The following CDH23 variants were observed in gnomAD, a reference collection of about 807,000 sequenced individuals.
CDH23 encodes cadherin related 23.
A neutral mutation model predicts 317.1 loss-of-function variants in CDH23; 189 were observed. That is an observed-to-expected ratio of 0.60 (90% CI 0.53 to 0.67). The LOEUF (loss-of-function observed/expected upper bound fraction) is 0.67, where lower values mean the gene tolerates loss of function less well. CDH23 is among the 30% of genes least tolerant of loss of function. The pLI, the probability that CDH23 is intolerant of heterozygous loss-of-function variation, is 0.00. For synonymous variants in CDH23, 1,839 were observed against 1,876.8 expected (o/e 0.98, Z 0.52); for missense variants, 4,401 against 4,592.4 (o/e 0.96, Z 1.20).
intron 9 of CDH23, among the ~76,000 whole-genome samples, chr10:71,611,483 G>A (rs1860890212): frequency 6.6e-6 from 1 of 152,238 alleles, no homozygotes; most frequent in Admixed American, 6.5e-5. Context: ...AGAGACCATG[G>A]TGGTACCATC....
intron 9 of CDH23, among the ~76,000 whole-genome samples, chr10:71,590,891 AAAAAAC>A (rs71480587): frequency 3.4e-4 from 49 of 143,310 alleles, no homozygotes; most frequent in Non-Finnish European, 4.5e-4. Flanking sequence ...AAAAAACAAA[AAAAAAC>A]AAAAAAAAAC....
At chr10:71,810,892 C>T (rs1346547037) in intron 62 of CDH23, among the ~76,000 whole-genome samples, 2 of 152,064 alleles carry the variant, frequency 1.3e-5, no homozygotes, top group African/African-American at 4.8e-5. Context: ...ACCAGCCTGA[C>T]CAACATGGAG....
rs544718212 is a variant in CDH23 at position 71,584,841 on chromosome 10, T to C, written c.832+6849T>C. ...GGCTTAGGGTAGCACAATGGCTGCC[T>C]GGAAGCCCCAAACATCTCAGGGCAT... On this transcript the variant is annotated intron_variant, in intron 9 of 69. Coordinates refer to ENST00000224721, the MANE Select transcript of CDH23 (RefSeq NM_022124.6). 7.2e-5 allele frequency among the ~76,000 whole-genome samples: 11 copies of C among 152,360 alleles called. No individual in the cohort carries two copies. In the East Asian group the frequency reaches 2.1e-3, roughly 29 times the overall value.
chr10:71,475,140 A>T (rs1012233675), intron 3 of CDH23, among the ~76,000 whole-genome samples: 7 of 152,010 alleles, frequency 4.6e-5, no homozygotes, highest in African/African-American at 1.7e-4. Flanking sequence ...GAGCTGTGTA[A>T]CCTTAGTGCA....
At chr10:71,603,907 A>C (rs924102560) in intron 9 of CDH23, among the ~76,000 whole-genome samples, 17 of 152,234 alleles carry the variant, frequency 1.1e-4, no homozygotes, top group African/African-American at 4.1e-4. Context: ...GAGGTCGTGC[A>C]TGTGAACAAA....
chr10:71,700,796 G>A (rs1230397300), intron 22 of CDH23, among the ~76,000 whole-genome samples: 1 of 152,142 alleles, frequency 6.6e-6, no homozygotes, highest in Non-Finnish European at 1.5e-5. Context: ...GCCTCCCCAG[G>A]ACCCATGGAC....
rs1271910180 is a variant in CDH23, at chr10:71,403,421, C to T, written c.-6+6103C>T. 1.0e-3 allele frequency among the ~76,000 whole-genome samples: 59 copies of T among 57,836 alleles called. 2 individuals are homozygous for T. The highest frequency in any genetic ancestry group is 7.3e-3 in the African/African-American group (53 of 7,298). 37.9% of individuals were successfully genotyped at this position (57,836 alleles called of 152,430 possible). A position where few individuals can be genotyped will look rare whatever the true frequency, so the allele number is the denominator to read the frequency against. ...TTTCTTTCTTTCTCTTCCTTCCTTC[C>T]TTCCTTCCTTCCTTCCTTCCTTCCT... is the stretch of plus-strand genomic sequence containing the variant. On this transcript the variant is annotated intron_variant, in intron 1 of 69. Coordinates refer to ENST00000224721, the MANE Select transcript of CDH23 (RefSeq NM_022124.6).
chr10:71,560,401 C>T (rs1468590805), intron 6 of CDH23, among the ~76,000 whole-genome samples: 1 of 152,094 alleles, frequency 6.6e-6, no homozygotes, highest in African/African-American at 2.4e-5. Context: ...GTTCTCTTAC[C>T]TAGAGGCGTC....
chr10:71,766,680 A>G (rs1438821037), intron 38 of CDH23, among the ~76,000 whole-genome samples: 1 of 152,206 alleles, frequency 6.6e-6, no homozygotes, highest in Non-Finnish European at 1.5e-5. Context: ...TTTAGTTCTC[A>G]TAACACCCCC....
chr10:71,568,261 A>G (rs1318843440), intron 7 of CDH23, among the ~76,000 whole-genome samples: 2 of 152,214 alleles, frequency 1.3e-5, no homozygotes, highest in Non-Finnish European at 1.5e-5. Context: ...TCAAGGGGAC[A>G]TGCAAGCCCA....
At position 71,814,992 on chromosome 10, in the gene CDH23, G is replaced by GC. The variant is rs927557088; in HGVS notation, c.9782dup (p.Gly3262ArgfsTer4). 3 of 1,612,482 alleles carry GC rather than the reference G, an allele frequency of 1.9e-6. No homozygotes were observed. Among genetic ancestry groups the GC allele is most frequent in the Non-Finnish European group, 1.7e-6 (2 of 1,179,752 alleles). On this transcript the variant is annotated frameshift_variant, in exon 70 of 70. Coordinates refer to ENST00000224721, the MANE Select transcript of CDH23 (RefSeq NM_022124.6). LOFTEE classifies it high-confidence loss of function. Reference sequence around the variant, plus strand: ...CTGGACGAGGAGCCAGGAGACCACAGCCCAGGGCAGGGTAGCCTGCGCTTC... The same window carrying GC: ...CTGGACGAGGAGCCAGGAGACCACAGCCCCAGGGCAGGGTAGCCTGCGCTTC...
intron 69 of CDH23, among the ~76,000 whole-genome samples, chr10:71,814,396 CAG>C (rs1015722523): frequency 1.3e-5 from 2 of 152,210 alleles, no homozygotes; most frequent in Non-Finnish European, 2.9e-5. Context: ...GCCTGGGCAA[CAG>C]AGAGAAACCC....
intron 26 of CDH23, 62 bp downstream of exon 26, chr10:71,707,111 A>G: frequency 6.4e-7 from 1 of 1,563,228 alleles, no homozygotes; most frequent in South Asian, 1.2e-5. Context: ...CACCCCTCCC[A>G]GATGGACAGC....
intron 6 of CDH23, among the ~76,000 whole-genome samples, chr10:71,516,073 C>T (rs1000487602): frequency 2.0e-5 from 3 of 152,164 alleles, no homozygotes; most frequent in African/African-American, 7.2e-5. Context: ...TGGAATTTCC[C>T]AGAGGAAAGT....
chr10:71,807,699 A>G lies in CDH23; in HGVS notation c.8492A>G (p.Glu2831Gly). Residue 2831 changes from glutamate (E) to glycine (G), a missense_variant, in exon 59 of 70, where the codon GAG (glutamate) becomes GGG (glycine). Coordinates refer to ENST00000224721, the MANE Select transcript of CDH23 (RefSeq NM_022124.6). ...LDLVADLTLQ[E>G]VRVVLEDIND... ...CTGGTTGCTGACCTCACACTGCAGG[A>G]GGTGCGCGTTGTGCTAGAGGACATC... 1 of 1,613,124 alleles carries G rather than the reference A, an allele frequency of 6.2e-7. No homozygotes were observed. Among genetic ancestry groups the G allele is most frequent in the Non-Finnish European group, 8.5e-7 (1 of 1,179,552 alleles).
At chr10:71,548,067 A>C (rs1386300683) in intron 6 of CDH23, among the ~76,000 whole-genome samples, 2 of 152,210 alleles carry the variant, frequency 1.3e-5, no homozygotes, top group Admixed American at 6.5e-5. Flanking sequence ...TCTGCACCGG[A>C]ATAGATTTGG....
intron 17 of CDH23, among the ~76,000 whole-genome samples, chr10:71,680,960 C>T (rs1283127860): frequency 6.6e-6 from 1 of 150,410 alleles, no homozygotes; most frequent in African/African-American, 2.4e-5. Context: ...TCCCGAGTAG[C>T]TGGGATTACA....
intron 65 of CDH23, 40 bp downstream of exon 65, chr10:71,811,793 G>A: frequency 1.3e-6 from 2 of 1,553,098 alleles, no homozygotes; most frequent in Non-Finnish European, 1.7e-6. Flanking sequence ...TGAGAAGGCA[G>A]TGGGCTGGGG....
Position 71,793,258 on chromosome 10 carries a change from TG to T in CDH23, c.6334del (p.Ala2112LeufsTer31). The T allele has an allele frequency of 2.5e-6, 4 of 1,613,922 alleles. No individual in the cohort carries two copies. Among genetic ancestry groups the T allele is most frequent in the Non-Finnish European group, 3.4e-6 (4 of 1,179,882 alleles). On this transcript the variant is annotated frameshift_variant, in exon 48 of 70. Transcript: ENST00000224721. LOFTEE classifies it high-confidence loss of function. Reference protein sequence around the residue: ...NGELVYRIEAGAQDRFLIHLV... With the variant: ...NGELVYRIEAXAQDRFLIHLV... ...GGGAGCTGGTCTACCGAATAGAAGC[TG>T]GGGCTCAGGACCGCTTCCTCATTCA...
Sources: allele counts gnomAD v4.1 joint callset (sites outside exome capture counted in the v4.1 genomes callset), GRCh38; gene constraint gnomAD v4.1.1; transcripts MANE v1.5; gene names NCBI Gene and HGNC (gene_info 2026-07-23, HGNC 2026-07-21).